The following STXBP6 variants were observed in gnomAD, a reference collection of about 807,000 sequenced individuals.
STXBP6 encodes syntaxin-binding protein 6.
Under a neutral mutation model 26.9 loss-of-function variants are expected in STXBP6, and 21 were observed. The observed-to-expected ratio is 0.78, with a 90% CI of 0.55 to 1.12. STXBP6 has a LOEUF of 1.12. Ranked by LOEUF, STXBP6 falls within the 50% of genes most tolerant of loss-of-function variation. The pLI is 0.00. For synonymous variants in STXBP6, 97 were observed against 92.6 expected, an observed-to-expected ratio of 1.05 and a Z score of -0.27; for missense variants, 232 against 257.9, an observed-to-expected ratio of 0.90 and a Z score of 0.69.
At chr14:24,977,178 C>T (rs771152971) in intron 1 of STXBP6, among the ~76,000 whole-genome samples, 8 of 151,896 alleles carry the variant, frequency 5.3e-5, no homozygotes, top group South Asian at 2.1e-4. Context: ...CCGGTGTTCT[C>T]GGACCAGTGC....
intron 2 of STXBP6, among the ~76,000 whole-genome samples, chr14:24,963,970 TAAAAAAAAAAAAAA>T (rs768793147): frequency 1.5e-5 from 1 of 64,692 alleles, no homozygotes; most frequent in Non-Finnish European, 3.0e-5. Flanking sequence ...AGCAAGTTTC[TAAAAAAAAAAAAAA>T]AAAAAAAAAA....
chr14:25,006,770 C>G (rs972012953), intron 1 of STXBP6, among the ~76,000 whole-genome samples: 1 of 151,910 alleles, frequency 6.6e-6, no homozygotes, highest in Non-Finnish European at 1.5e-5. Context: ...ATGTACTGAC[C>G]AAGGAACATC....
At chr14:24,818,767 A>G (rs1015198852) in intron 5 of STXBP6, among the ~76,000 whole-genome samples, 12 of 152,174 alleles carry the variant, frequency 7.9e-5, no homozygotes, top group African/African-American at 2.9e-4. Flanking sequence ...ACTTCTGAGC[A>G]GGAACTAAAG....
chr14:25,043,155 T>G (rs1168939462), intron 1 of STXBP6, among the ~76,000 whole-genome samples: 1 of 152,172 alleles, frequency 6.6e-6, no homozygotes, highest in African/African-American at 2.4e-5. Flanking sequence ...CACACTCAGA[T>G]ATGAAGATGA....
At chr14:24,819,518 G>T in intron 4 of STXBP6, 1 of 510,076 alleles carries the variant, frequency 2.0e-6, no homozygotes, top group Non-Finnish European at 3.5e-6. Flanking sequence ...TTTACAACTT[G>T]GCTTGCAAAG....
chr14:25,046,585 C>T lies in STXBP6; in HGVS notation c.-33+3293G>A, dbSNP rs144474479. Among the ~76,000 whole-genome samples, 381 of 152,314 alleles carry T rather than the reference C, an allele frequency of 2.5e-3. 2 individuals are homozygous for T. The highest frequency in any genetic ancestry group is 8.0e-3 in the African/African-American group (331 of 41,566). On this transcript the variant is annotated intron_variant, in intron 1 of 5. Transcript: ENST00000323944. ...ACTAGTTAAGGCACTGACTGACCTC[C>T]TCTTATACCTAATTGATTTGGGCAC...
At chr14:24,950,745 A>T (rs1000677817) in intron 2 of STXBP6, among the ~76,000 whole-genome samples, 14 of 152,198 alleles carry the variant, frequency 9.2e-5, no homozygotes, top group Middle Eastern at 3.4e-3. Context: ...TATTTAAAAA[A>T]TTTTTTTAAA....
At chr14:24,842,427 G>A (rs2068812592) in intron 4 of STXBP6, among the ~76,000 whole-genome samples, 1 of 152,128 alleles carries the variant, frequency 6.6e-6, no homozygotes, top group East Asian at 1.9e-4. Flanking sequence ...TTGTGATTCT[G>A]TTATGTTTCT....
At chr14:24,833,438 T>C (rs969694596) in intron 4 of STXBP6, among the ~76,000 whole-genome samples, 1 of 152,234 alleles carries the variant, frequency 6.6e-6, no homozygotes, top group Non-Finnish European at 1.5e-5. Context: ...AGCTTCTTGA[T>C]TACAAGAATA....
chr14:24,899,804 A>AG (rs1441054025), intron 2 of STXBP6, among the ~76,000 whole-genome samples: 1 of 44,820 alleles, frequency 2.2e-5, no homozygotes, highest in African/African-American at 4.7e-5. Flanking sequence ...AAAAAAGCAA[A>AG]AAAAAAAAAA....
chr14:24,900,304 G>A (rs181359426), intron 2 of STXBP6, among the ~76,000 whole-genome samples: 8 of 152,200 alleles, frequency 5.3e-5, no homozygotes, highest in African/African-American at 1.7e-4. Context: ...CATCATCAGG[G>A]AAATGTCCTC....
intron 2 of STXBP6, among the ~76,000 whole-genome samples, chr14:24,915,267 A>G (rs1417897098): frequency 6.6e-6 from 1 of 152,168 alleles, no homozygotes; most frequent in South Asian, 2.1e-4. Context: ...ATATTCTGAT[A>G]TAATTCCTTC....
rs998938247 is a variant in STXBP6, at chr14:24,928,984, C to T, written c.154+45681G>A. On this transcript the variant is annotated intron_variant, in intron 2 of 5. Transcript: ENST00000323944. ...AAAAATAGTGTGACATTCCACAAGG[C>T]CAACAGATGACAGAAGATATCAGGT... 2.0e-4 allele frequency among the ~76,000 whole-genome samples: 31 copies of T among 152,038 alleles called. 1 individual carries two copies. The highest frequency in any genetic ancestry group is 1.8e-3 in the Admixed American group (27 of 15,270).
At chr14:24,824,266 T>C (rs887230028) in intron 4 of STXBP6, among the ~76,000 whole-genome samples, 1 of 152,212 alleles carries the variant, frequency 6.6e-6, no homozygotes, top group Non-Finnish European at 1.5e-5. Context: ...CAGTGTCAGT[T>C]AGACACTGTT....
intron 2 of STXBP6, among the ~76,000 whole-genome samples, chr14:24,895,167 T>C (rs896375641): frequency 6.6e-6 from 1 of 152,212 alleles, no homozygotes; most frequent in African/African-American, 2.4e-5. Flanking sequence ...TTGGCCAAAA[T>C]AGTGGTATTT....
intron 2 of STXBP6, among the ~76,000 whole-genome samples, chr14:24,894,356 T>C (rs1040764129): frequency 6.6e-6 from 1 of 152,116 alleles, no homozygotes; most frequent in African/African-American, 2.4e-5. Flanking sequence ...GGAAAGTGAT[T>C]AGAGGGTGAT....
At chr14:25,023,129 C>A (rs1481856951) in intron 1 of STXBP6, among the ~76,000 whole-genome samples, 2 of 152,196 alleles carry the variant, frequency 1.3e-5, no homozygotes, top group Non-Finnish European at 2.9e-5. Flanking sequence ...CACTTATAAA[C>A]AAGCGGGGAT....
intron 2 of STXBP6, among the ~76,000 whole-genome samples, chr14:24,905,750 T>C (rs1182835219): frequency 6.6e-6 from 1 of 152,242 alleles, no homozygotes; most frequent in African/African-American, 2.4e-5. Context: ...ACATTTTATG[T>C]GTCAGTTCCT....
chr14:25,012,791 G>A (rs1039406520), intron 1 of STXBP6, among the ~76,000 whole-genome samples: 1 of 152,132 alleles, frequency 6.6e-6, no homozygotes, highest in African/African-American at 2.4e-5. Context: ...GGCATCCTCA[G>A]ACTACACTTT....
Sources: gnomAD v4.1 joint callset for allele counts (sites outside exome capture counted in the v4.1 genomes callset) on GRCh38, gnomAD v4.1.1 for gene constraint, MANE v1.5 for transcripts, NCBI Gene and HGNC (gene_info 2026-07-23, HGNC 2026-07-21) for gene names.